Variants in BMP2K observed in about 807,000 individuals in gnomAD.
BMP2K encodes the protein BMP2 inducible kinase.
Under a neutral mutation model 116.0 loss-of-function variants are expected in BMP2K, and 74 were observed. That is an observed-to-expected ratio of 0.64 (90% CI 0.53 to 0.77). The LOEUF is 0.77. Ranked by LOEUF, BMP2K falls within the 30% of genes least tolerant of loss-of-function variation. BMP2K has a pLI of 0.00. For missense variants in BMP2K, 1,365 were observed against 1,403.6 expected, an observed-to-expected ratio of 0.97 and a Z score of 0.44; for synonymous variants, 486 against 502.5, an observed-to-expected ratio of 0.97 and a Z score of 0.44.
At position 78,911,531 on chromosome 4, in the gene BMP2K, A is replaced by G; in HGVS notation, c.2984A>G (p.Lys995Arg). 2 of 1,614,056 alleles carry G rather than the reference A, an allele frequency of 1.2e-6. No homozygotes were observed. Among genetic ancestry groups the G allele is most frequent in the Non-Finnish European group, 8.5e-7 (1 of 1,179,896 alleles). ...CAGGATATGTCCAAAAGTAATGGGA[A>G]GCGGCATCATGGCACGCCAACTAGC... ...TKQDMSKSNG[K>R]RHHGTPTSTK... The change falls in exon 16 of 16, where the codon AAG becomes AGG. Residue 995 changes from lysine to arginine, a missense_variant. Coordinates refer to ENST00000502613, the MANE Select transcript of BMP2K (RefSeq NM_198892.2).
intron 2 of BMP2K, among the ~76,000 whole-genome samples, chr4:78,829,782 T>TCTCTTCTCTTCTCTTCTCTTCTC (rs1560518659): frequency 1.2e-4 from 8 of 64,636 alleles, no homozygotes; most frequent in African/African-American, 4.7e-4. Context: ...TTTCTTTTCT[T>TCTCTTCTCTTCTCTTCTCTTCTC]TTCTTTTCTC....
intron 15 of BMP2K, among the ~76,000 whole-genome samples, chr4:78,905,097 T>C (rs1268570445): frequency 6.6e-6 from 1 of 151,880 alleles, no homozygotes; most frequent in Non-Finnish European, 1.5e-5. Context: ...GACTAATCTA[T>C]TGGTTCATTC....
intron 2 of BMP2K, among the ~76,000 whole-genome samples, chr4:78,830,152 T>C (rs1730140829): frequency 6.6e-6 from 1 of 152,270 alleles, no homozygotes; most frequent in South Asian, 2.1e-4. Flanking sequence ...GCTAGGATTA[T>C]AGGCAAGAGC....
intron 15 of BMP2K, among the ~76,000 whole-genome samples, chr4:78,909,013 A>C (rs1307616859): frequency 6.7e-6 from 1 of 148,370 alleles, no homozygotes; most frequent in Admixed American, 6.7e-5. Flanking sequence ...GCATTACTAT[A>C]ATTTCCTTTT....
chr4:78,778,725 A>C (rs1053111872), intron 1 of BMP2K, among the ~76,000 whole-genome samples: 6 of 152,230 alleles, frequency 3.9e-5, no homozygotes, highest in African/African-American at 1.4e-4. Context: ...ATAGTGCCAC[A>C]ATTTAGACAA....
Position 78,911,018 on chromosome 4 carries a change from C to T in BMP2K, c.2471C>T (p.Ser824Phe), listed in dbSNP as rs758381303. The change falls in exon 16 of 16, where the codon TCT becomes TTT. Residue 824 changes from serine (S) to phenylalanine (F), a missense_variant. By Grantham distance (155) the Ser-to-Phe change is radical. This residue lies in a region of BMP2K where 596 missense variants were observed against 623.2 expected (regional missense o/e 0.96). Coordinates refer to ENST00000502613, the MANE Select transcript of BMP2K (RefSeq NM_198892.2). ...ATGAGCTCTGTCTACAGAGACAGAT[C>T]TGGCAGTGGACCAACCCAAGATCTT... is the stretch of plus-strand genomic sequence containing the variant. ...SDMSSVYRDRSGSGPTQDLNT... is the reference protein window; with the variant it reads ...SDMSSVYRDRFGSGPTQDLNT... 1.2e-6 allele frequency: 2 copies of T among 1,613,738 alleles called. No homozygotes were observed. Among genetic ancestry groups the T allele is most frequent in the Admixed American group, 3.3e-5 (2 of 60,016 alleles).
At chr4:78,854,918 T>C (rs1271056745) in intron 7 of BMP2K, among the ~76,000 whole-genome samples, 1 of 151,972 alleles carries the variant, frequency 6.6e-6, no homozygotes, top group East Asian at 1.9e-4. Context: ...TTCTCCTATA[T>C]TATTTTTGAA....
intron 12 of BMP2K, 110 bp from the exon 13 acceptor site, chr4:78,872,504 T>G: frequency 3.2e-6 from 3 of 946,726 alleles, no homozygotes; most frequent in Non-Finnish European, 4.5e-6. Flanking sequence ...GTTTTTTACG[T>G]TTCTGATTTT....
intron 1 of BMP2K, among the ~76,000 whole-genome samples, chr4:78,798,804 TG>T (rs1328513332): frequency 6.6e-6 from 1 of 152,216 alleles, no homozygotes; most frequent in Non-Finnish European, 1.5e-5. Context: ...CTTTCGTGGG[TG>T]ATTTCACATT....
At chr4:78,830,604 T>C (rs978809942) in intron 2 of BMP2K, among the ~76,000 whole-genome samples, 3 of 152,248 alleles carry the variant, frequency 2.0e-5, no homozygotes, top group African/African-American at 7.2e-5. Flanking sequence ...TGTTGTTTAG[T>C]GCAGCCACCT....
intron 1 of BMP2K, among the ~76,000 whole-genome samples, chr4:78,791,387 A>G (rs1030302628): frequency 6.6e-6 from 1 of 152,212 alleles, no homozygotes; most frequent in Admixed American, 6.5e-5. Flanking sequence ...AATCAAGGGT[A>G]GTGAAAAGCA....
chr4:78,896,598 T>G (rs1465900847), intron 15 of BMP2K, among the ~76,000 whole-genome samples: 2 of 152,222 alleles, frequency 1.3e-5, no homozygotes, highest in Non-Finnish European at 2.9e-5. Flanking sequence ...TTGTCATGAT[T>G]ATTATACATG....
intron 4 of BMP2K, 123 bp from the exon 5 acceptor site, chr4:78,844,805 C>A: frequency 1.3e-6 from 1 of 786,910 alleles, no homozygotes; most frequent in Non-Finnish European, 2.1e-6. Context: ...ATGGCATATA[C>A]CCTTCGGTGT....
intron 15 of BMP2K, among the ~76,000 whole-genome samples, chr4:78,900,447 C>T (rs1375513099): frequency 6.6e-6 from 1 of 152,066 alleles, no homozygotes; most frequent in African/African-American, 2.4e-5. Flanking sequence ...AAGGAATAAA[C>T]AGTATTCTGG....
chr4:78,879,356 T>G (rs1732789256), intron 14 of BMP2K: 1 of 986,602 alleles, frequency 1.0e-6, no homozygotes, highest in African/African-American at 1.7e-5. Context: ...TGTAATGTCC[T>G]TTTAATGAGT....
chr4:78,887,904 G>C (rs1451531546), intron 15 of BMP2K, among the ~76,000 whole-genome samples: 3 of 152,150 alleles, frequency 2.0e-5, no homozygotes, highest in Non-Finnish European at 4.4e-5. Context: ...AAATATGTTA[G>C]AAGAAGTTAT....
intron 1 of BMP2K, among the ~76,000 whole-genome samples, chr4:78,785,821 G>C (rs1005473532): frequency 3.9e-5 from 6 of 152,082 alleles, no homozygotes; most frequent in Non-Finnish European, 7.4e-5. Context: ...TTAGCATTTG[G>C]ACTGTTCTTT....
rs1331478015 is a variant in BMP2K, at chr4:78,912,012, T to G, written c.3465T>G (p.Ala1155=). ...QPVELDPFGA[A]PFPSKQ The stretch of plus-strand genomic sequence containing the variant: ...TCGAATTAGACCCATTTGGTGCTGC[T>G]CCATTTCCTTCTAAACAGTAGATAC... Residue 1155 remains alanine (A), a synonymous_variant, in exon 16 of 16, where the codon GCT becomes GCG. Transcript: ENST00000502613. 6.2e-7 allele frequency: 1 copy of G among 1,611,028 alleles called. No homozygotes were observed. The highest frequency in any genetic ancestry group is 1.7e-5 in the Admixed American group (1 of 59,788).
intron 2 of BMP2K, 117 bp downstream of exon 2, chr4:78,826,272 G>C: frequency 1.4e-6 from 1 of 704,324 alleles, no homozygotes; most frequent in Admixed American, 2.5e-5. Flanking sequence ...CGTGATCTCA[G>C]CTCGCTGCAA....
Sources: allele counts gnomAD v4.1 joint callset (sites outside exome capture counted in the v4.1 genomes callset), GRCh38; gene constraint gnomAD v4.1.1; regional missense constraint gnomAD v4.1.1; transcripts MANE v1.5; gene names NCBI Gene and HGNC (gene_info 2026-07-23, HGNC 2026-07-21).